The following ANO6 variants were observed in gnomAD, a reference collection of about 807,000 sequenced individuals.
ANO6 encodes the protein anoctamin 6.
ANO6 carries 106 observed loss-of-function variants against 117.5 expected under a neutral mutation model. The ratio of observed to expected loss-of-function variants is 0.90; its 90% CI spans 0.77 to 1.06. The LOEUF is 1.06. Among genes scored for constraint, ANO6 ranks in the 50% least tolerant of loss-of-function variants. The pLI is 0.00. For missense variants in ANO6, 955 were observed against 1,121.1 expected (o/e 0.85, Z 2.12); for synonymous variants, 367 against 385.1 (o/e 0.95, Z 0.55).
At chr12:45,416,586 T>TTAC in intron 16 of ANO6, 113 bp from the exon 17 acceptor site, 1 of 883,382 alleles carries the variant, frequency 1.1e-6, no homozygotes, top group Admixed American at 2.0e-5. Context: ...TTACCACAGA[T>TTAC]GTGTTTTCTC....
chr12:45,422,589 T>G (rs1452645450), intron 18 of ANO6, among the ~76,000 whole-genome samples: 1 of 151,990 alleles, frequency 6.6e-6, no homozygotes, highest in Admixed American at 6.6e-5. Flanking sequence ...TTTTTTTTTT[T>G]TTTGAGACAG....
intron 1 of ANO6, among the ~76,000 whole-genome samples, chr12:45,219,572 G>C (rs907540442): frequency 2.8e-5 from 4 of 141,948 alleles, no homozygotes; most frequent in African/African-American, 1.1e-4. Flanking sequence ...TCAAACTCCT[G>C]AGCTTAAGTG....
chr12:45,225,645 C>T (rs1253528140), intron 1 of ANO6, among the ~76,000 whole-genome samples: 3 of 152,066 alleles, frequency 2.0e-5, no homozygotes, highest in Admixed American at 6.6e-5. Context: ...CCCACCACCA[C>T]GCCCGGCTAA....
chr12:45,439,620 C>A, intron 19 of ANO6: 2 of 1,319,854 alleles, frequency 1.5e-6, no homozygotes, highest in South Asian at 2.3e-5. Flanking sequence ...CAATAATTAC[C>A]AGAGTATTCA....
At chr12:45,253,091 TCCC>T (rs1407993589) in intron 1 of ANO6, among the ~76,000 whole-genome samples, 5 of 152,198 alleles carry the variant, frequency 3.3e-5, no homozygotes, top group African/African-American at 4.8e-5. Flanking sequence ...TTTTAAACTG[TCCC>T]CCCTTGTTCT....
intron 9 of ANO6, among the ~76,000 whole-genome samples, chr12:45,372,104 G>C (rs568492003): frequency 6.6e-6 from 1 of 152,200 alleles, no homozygotes; most frequent in East Asian, 1.9e-4. Flanking sequence ...TGGAAGAAAG[G>C]GTATCAGCAA....
chr12:45,270,751 A>G (rs935455523), intron 1 of ANO6, among the ~76,000 whole-genome samples: 1 of 151,442 alleles, frequency 6.6e-6, no homozygotes, highest in African/African-American at 2.4e-5. Context: ...AACTTCAGAA[A>G]GCAAAAGTTA....
chr12:45,421,818 T>C (rs1181808063), intron 18 of ANO6, among the ~76,000 whole-genome samples: 1 of 152,216 alleles, frequency 6.6e-6, no homozygotes, highest in African/African-American at 2.4e-5. Flanking sequence ...TCTGCATCGA[T>C]TTTAATGGCT....
chr12:45,312,942 G>A (rs966337390), intron 2 of ANO6, among the ~76,000 whole-genome samples: 3 of 152,044 alleles, frequency 2.0e-5, no homozygotes, highest in Admixed American at 6.6e-5. Context: ...TAAAATGCAG[G>A]ATGTGTGGAA....
intron 1 of ANO6, among the ~76,000 whole-genome samples, chr12:45,278,569 A>G (rs771522369): frequency 5.3e-4 from 81 of 151,420 alleles, no homozygotes; most frequent in Non-Finnish European, 8.3e-4. Context: ...TTCTTTGACT[A>G]TTTCTCTCTT....
chr12:45,329,979 T>C (rs12306238), intron 2 of ANO6, among the ~76,000 whole-genome samples: 3,094 of 152,248 alleles, frequency 0.02, 118 homozygotes, highest in African/African-American at 0.069. Flanking sequence ...TGGATAGTGA[T>C]ATCAGCCTAA....
chr12:45,317,079 T>A (rs944432391), intron 2 of ANO6, among the ~76,000 whole-genome samples: 16 of 133,120 alleles, frequency 1.2e-4, no homozygotes, highest in African/African-American at 4.3e-4. Context: ...TTTGCAGATC[T>A]CTTTAAGAAA....
intron 1 of ANO6, among the ~76,000 whole-genome samples, chr12:45,266,250 G>A (rs1938210886): frequency 6.6e-6 from 1 of 152,078 alleles, no homozygotes; most frequent in South Asian, 2.1e-4. Flanking sequence ...GATTCTATAG[G>A]CAAAGTCTGT....
chr12:45,285,573 CA>C (rs1938883657), intron 1 of ANO6, among the ~76,000 whole-genome samples: 1 of 151,934 alleles, frequency 6.6e-6, no homozygotes. Context: ...TACTAAAATA[CA>C]AAAAATTAGC....
At chr12:45,309,071 T>C (rs1364605512) in intron 2 of ANO6, among the ~76,000 whole-genome samples, 1 of 152,140 alleles carries the variant, frequency 6.6e-6, no homozygotes, top group Non-Finnish European at 1.5e-5. Context: ...TAAGTTCTTT[T>C]TGAATATTTC....
intron 1 of ANO6, among the ~76,000 whole-genome samples, chr12:45,235,191 G>A (rs1947627439): frequency 6.6e-6 from 1 of 152,222 alleles, no homozygotes; most frequent in African/African-American, 2.4e-5. Flanking sequence ...TCCTGTAGCA[G>A]ACTCTGGTTG....
At chr12:45,360,622 C>T (rs908928561) in intron 8 of ANO6, among the ~76,000 whole-genome samples, 1 of 152,182 alleles carries the variant, frequency 6.6e-6, no homozygotes. Context: ...TTGATGATCT[C>T]CAGTTTACCT....
intron 19 of ANO6, among the ~76,000 whole-genome samples, chr12:45,424,651 T>C (rs1212978783): frequency 1.3e-5 from 2 of 152,082 alleles, no homozygotes; most frequent in Non-Finnish European, 2.9e-5. Context: ...TGATGGGCTT[T>C]AATAGGGCAG....
intron 1 of ANO6, among the ~76,000 whole-genome samples, chr12:45,283,172 G>T (rs1938799334): frequency 6.6e-6 from 1 of 152,314 alleles, no homozygotes; most frequent in Middle Eastern, 3.4e-3. Flanking sequence ...GAATTAAGTA[G>T]AATTTGTGAG....
Sources: allele counts gnomAD v4.1 joint callset (sites outside exome capture counted in the v4.1 genomes callset), GRCh38; gene constraint gnomAD v4.1.1; transcripts MANE v1.5; gene names NCBI Gene and HGNC (gene_info 2026-07-23, HGNC 2026-07-21).